Variants in THSD4 observed in about 807,000 individuals in gnomAD.
THSD4 encodes thrombospondin type 1 domain containing 4, also known as thrombospondin type-1 domain-containing protein 4.
A neutral mutation model predicts 119.0 loss-of-function variants in THSD4; 69 were observed. That is an observed-to-expected ratio of 0.58 (90% confidence interval 0.48 to 0.71). The LOEUF is 0.71. THSD4 is among the 30% of genes least tolerant of loss of function. THSD4 has a pLI of 0.00. For synonymous variants in THSD4, 524 were observed against 540.4 expected (o/e 0.97, Z 0.42); for missense variants, 1,393 against 1,391.1 (o/e 1.00, Z -0.02).
intron 7 of THSD4, among the ~76,000 whole-genome samples, chr15:71,480,682 G>A (rs1027322681): frequency 6.6e-6 from 1 of 152,148 alleles, no homozygotes; most frequent in African/African-American, 2.4e-5. Context: ...TGACAAAAGT[G>A]CAGGAGTGCA....
At chr15:71,723,733 C>T (rs1170253625) in intron 8 of THSD4, among the ~76,000 whole-genome samples, 1 of 152,068 alleles carries the variant, frequency 6.6e-6, no homozygotes, top group Non-Finnish European at 1.5e-5. Flanking sequence ...GGGGGCTGGA[C>T]TAGGGGTGGG....
chr15:71,717,821 G>C (rs2052638781), intron 8 of THSD4, among the ~76,000 whole-genome samples: 1 of 152,098 alleles, frequency 6.6e-6, no homozygotes, highest in South Asian at 2.1e-4. Context: ...CTGTTGGTCA[G>C]GTACTAAATG....
intron 8 of THSD4, among the ~76,000 whole-genome samples, chr15:71,698,483 G>A (rs2052212242): frequency 1.3e-5 from 2 of 151,528 alleles, no homozygotes; most frequent in African/African-American, 4.9e-5. Flanking sequence ...GGGTTGCTGG[G>A]TATATATATC....
intron 3 of THSD4, among the ~76,000 whole-genome samples, chr15:71,172,700 T>TATATATATATATATATATGTGAC (rs2043387299): frequency 2.0e-5 from 2 of 98,740 alleles, no homozygotes; most frequent in African/African-American, 1.1e-4. Flanking sequence ...TATATATATA[T>TATATATATATATATATATGTGAC]ATATATATAT....
intron 6 of THSD4, among the ~76,000 whole-genome samples, chr15:71,285,889 T>C (rs1249386269): frequency 2.3e-4 from 34 of 145,502 alleles, no homozygotes; most frequent in African/African-American, 7.3e-4. Flanking sequence ...AAAAAAATTC[T>C]AGTGATTTTT....
intron 7 of THSD4, among the ~76,000 whole-genome samples, chr15:71,424,872 C>A (rs1209673856): frequency 6.6e-6 from 1 of 152,050 alleles, no homozygotes; most frequent in Non-Finnish European, 1.5e-5. Context: ...GTATAGCAGG[C>A]ATTTGAAAGA....
intron 7 of THSD4, among the ~76,000 whole-genome samples, chr15:71,424,997 C>T (rs2140522161): frequency 6.6e-6 from 1 of 152,100 alleles, no homozygotes; most frequent in Middle Eastern, 3.4e-3. Flanking sequence ...TCAGAATGAC[C>T]CCAAGGCCTA....
At position 71,215,326 on chromosome 15, in the gene THSD4, C is replaced by T; in HGVS notation, c.391C>T (p.Arg131Cys). Residue 131 changes from arginine (R) to cysteine (C), a missense_variant, in exon 4 of 18, where the codon CGC becomes TGC. Coordinates refer to ENST00000261862, the MANE Select transcript of THSD4 (RefSeq NM_024817.3). ...AGCGCTGGCCGGTACGGACGCCAGC[C>T]GCCAGGGCCCCACGGTGCTGCGAGG... ...TPALAGTDAS[R>C]QGPTVLRGSR... The T allele has an allele frequency of 6.5e-7, 1 of 1,530,390 alleles. No homozygotes were observed. 94.8% of individuals were successfully genotyped at this position (1,530,390 alleles called of 1,614,324 possible).
chr15:71,340,019 C>T (rs1434841384), intron 6 of THSD4, among the ~76,000 whole-genome samples: 1 of 152,204 alleles, frequency 6.6e-6, no homozygotes, highest in Non-Finnish European at 1.5e-5. Context: ...CCCACCTTGC[C>T]CTCCCAAAGA....
chr15:71,295,873 T>G (rs1327436260), intron 6 of THSD4, among the ~76,000 whole-genome samples: 5 of 152,224 alleles, frequency 3.3e-5, no homozygotes, highest in Non-Finnish European at 7.3e-5. Context: ...CCTGTAGATT[T>G]ACCTTTTCTG....
intron 5 of THSD4, among the ~76,000 whole-genome samples, chr15:71,251,341 A>G (rs1451101854): frequency 6.6e-6 from 1 of 152,200 alleles, no homozygotes; most frequent in Non-Finnish European, 1.5e-5. Flanking sequence ...CCACTTCAGC[A>G]AACATTTATT....
At chr15:71,679,127 G>A (rs1209584436) in intron 8 of THSD4, among the ~76,000 whole-genome samples, 1 of 152,172 alleles carries the variant, frequency 6.6e-6, no homozygotes. Context: ...AGAGTTGAAC[G>A]ATACATGGCC....
intron 7 of THSD4, among the ~76,000 whole-genome samples, chr15:71,459,474 T>G (rs956679100): frequency 6.6e-6 from 1 of 152,264 alleles, no homozygotes; most frequent in Non-Finnish European, 1.5e-5. Context: ...CAGAACTGTC[T>G]CTGGCATGGG....
intron 6 of THSD4, among the ~76,000 whole-genome samples, chr15:71,277,142 T>TTTTTTTTTTTTTG (rs59124781): frequency 6.7e-6 from 1 of 150,082 alleles, no homozygotes; most frequent in African/African-American, 2.5e-5. Context: ...TTTTTTTTTT[T>TTTTTTTTTTTTTG]GAAACGGAGT....
chr15:71,760,263 G>C (rs1292653168), intron 15 of THSD4, among the ~76,000 whole-genome samples: 1 of 152,174 alleles, frequency 6.6e-6, no homozygotes, highest in African/African-American at 2.4e-5. Context: ...GACTCACTAA[G>C]AGGTTGTGAG....
chr15:71,283,463 G>A (rs1313898107), intron 6 of THSD4, among the ~76,000 whole-genome samples: 1 of 152,188 alleles, frequency 6.6e-6, no homozygotes. Flanking sequence ...TTGATGTTGA[G>A]AGAGATGTCT....
intron 8 of THSD4, among the ~76,000 whole-genome samples, chr15:71,699,136 G>A (rs2052230370): frequency 6.6e-6 from 1 of 151,144 alleles, no homozygotes; most frequent in African/African-American, 2.4e-5. Context: ...GGTGAGTAAT[G>A]TGTTTATGGC....
At chr15:71,378,091 A>G (rs917620207) in intron 6 of THSD4, among the ~76,000 whole-genome samples, 1 of 152,152 alleles carries the variant, frequency 6.6e-6, no homozygotes, top group African/African-American at 2.4e-5. Context: ...TACTGCATCT[A>G]AGGGGATAGC....
In THSD4 at chr15:71,329,408, C is replaced by T. The variant is rs549863395; in HGVS notation, c.1015+72693C>T. On this transcript the variant is annotated intron_variant, in intron 6 of 17. Coordinates refer to ENST00000261862, the MANE Select transcript of THSD4 (RefSeq NM_024817.3). ...CAAGTTGGAGAGAAAGGTTGCCAGA[C>T]CTTTGAGTGACCCACACTGCTTATA... is the stretch of plus-strand genomic sequence containing the variant. 1.4e-4 allele frequency among the ~76,000 whole-genome samples: 22 copies of T among 152,262 alleles called. No homozygotes were observed. In the South Asian group the frequency reaches 4.6e-3, roughly 32 times the overall value.
Sources: allele counts gnomAD v4.1 joint callset (sites outside exome capture counted in the v4.1 genomes callset), GRCh38; gene constraint gnomAD v4.1.1; transcripts MANE v1.5; gene names NCBI Gene and HGNC (gene_info 2026-07-23, HGNC 2026-07-21).